The following ARK2N variants were observed in gnomAD, a reference collection of about 807,000 sequenced individuals.
The protein encoded by ARK2N is arkadia (RNF111) N-terminal like PKA signaling regulator 2N.
At chr18:46,232,899 A>T in the ARK2N span, 2 of 152,144 alleles carry the variant, frequency 1.3e-5, no homozygotes, top group African/African-American at 4.8e-5. Flanking sequence ...TGTGCATTTG[A>T]CATGTAACCT....
At chr18:46,198,248 G>T in the ARK2N span, among the ~76,000 whole-genome samples, 1 of 141,836 alleles carries the variant, frequency 7.1e-6, no homozygotes, top group East Asian at 2.1e-4. Flanking sequence ...GGTGGAGGTT[G>T]CAGTGAGCCG....
the ARK2N span, among the ~76,000 whole-genome samples, chr18:46,175,607 G>A: frequency 0.041 from 6,178 of 151,590 alleles, 355 homozygotes; most frequent in East Asian, 0.12. Flanking sequence ...GGTTCAAGCA[G>A]TTATCCTGCC....
At chr18:46,259,639 TCAGCCACCCAGGCTGGAGTG>T in the ARK2N span, among the ~76,000 whole-genome samples, 5 of 152,156 alleles carry the variant, frequency 3.3e-5, no homozygotes, top group African/African-American at 1.2e-4. Flanking sequence ...AGACCGAGGC[TCAGCCACCCAGGCTGGAGTG>T]CAGTAGCATG....
chr18:46,244,695 G>A, the ARK2N span, among the ~76,000 whole-genome samples: 19 of 145,804 alleles, frequency 1.3e-4, 1 homozygote, highest in African/African-American at 4.4e-4. Context: ...TCTGCCTCCC[G>A]GGTTCAAGTA....
chr18:46,203,577 G>A, the ARK2N span, among the ~76,000 whole-genome samples: 147 of 152,186 alleles, frequency 9.7e-4, no homozygotes, highest in African/African-American at 3.3e-3. Context: ...GCATTTCTGT[G>A]TGGTAATACT....
At chr18:46,246,823 C>T in the ARK2N span, among the ~76,000 whole-genome samples, 6 of 151,948 alleles carry the variant, frequency 3.9e-5, no homozygotes, top group Admixed American at 3.9e-4. Flanking sequence ...TGCCTGTAAT[C>T]CCACCTACTC....
chr18:46,245,537 C>T, the ARK2N span, among the ~76,000 whole-genome samples: 1 of 147,438 alleles, frequency 6.8e-6, no homozygotes, highest in Non-Finnish European at 1.5e-5. Flanking sequence ...CACCACCTCT[C>T]TCCAGCCTGG....
At chr18:46,214,480 A>C in the ARK2N span, among the ~76,000 whole-genome samples, 1 of 152,248 alleles carries the variant, frequency 6.6e-6, no homozygotes, top group Non-Finnish European at 1.5e-5. Flanking sequence ...CTGGTCTTTG[A>C]ATGATGTCCT....
the ARK2N span, chr18:46,218,061 G>A: frequency 1.3e-5 from 2 of 152,064 alleles, no homozygotes; most frequent in African/African-American, 2.4e-5. Flanking sequence ...TACTAAGCAG[G>A]ATTTTATGTA....
chr18:46,228,441 A>G, the ARK2N span, among the ~76,000 whole-genome samples: 64 of 152,340 alleles, frequency 4.2e-4, no homozygotes, highest in South Asian at 1.2e-3. Context: ...TTTTAAGAAT[A>G]ACATAGACAA....
At chr18:46,209,788 G>A in the ARK2N span, among the ~76,000 whole-genome samples, 1 of 152,106 alleles carries the variant, frequency 6.6e-6, no homozygotes, top group East Asian at 1.9e-4. Context: ...TAGAGATGGG[G>A]TTTCACTATG....
the ARK2N span, chr18:46,264,150 TAAG>T: frequency 1.3e-5 from 2 of 152,588 alleles, no homozygotes; most frequent in Middle Eastern, 3.4e-3. Context: ...AAAAATACCA[TAAG>T]AAGAATCAGA....
chr18:46,226,611 C>T, the ARK2N span, among the ~76,000 whole-genome samples: 1 of 152,146 alleles, frequency 6.6e-6, no homozygotes, highest in Admixed American at 6.5e-5. Context: ...GAAAATACCA[C>T]AGGATTGAAG....
the ARK2N span, chr18:46,216,155 A>G: frequency 1.2e-6 from 2 of 1,613,948 alleles, no homozygotes; most frequent in Non-Finnish European, 1.7e-6. The surrounding 1 kb of genome is among the most constrained non-coding windows in gnomAD (Gnocchi z 4.3). Flanking sequence ...TCCTCTAATC[A>G]CTGCATGCTT....
At chr18:46,209,980 A>G in the ARK2N span, among the ~76,000 whole-genome samples, 1 of 152,164 alleles carries the variant, frequency 6.6e-6, no homozygotes, top group Non-Finnish European at 1.5e-5. Flanking sequence ...ATCCCCTTTT[A>G]AAAGGAGAGA....
chr18:46,200,979 C>CT, the ARK2N span, among the ~76,000 whole-genome samples: 800 of 112,810 alleles, frequency 7.1e-3, 8 homozygotes, highest in African/African-American at 0.02. Context: ...TTTCTTTTTT[C>CT]TTTTTTTTTT....
chr18:46,203,814 T>A, the ARK2N span, among the ~76,000 whole-genome samples: 1 of 152,154 alleles, frequency 6.6e-6, no homozygotes, highest in African/African-American at 2.4e-5. Context: ...CTCAAACTCC[T>A]GGGCTCAAGT....
the ARK2N span, among the ~76,000 whole-genome samples, chr18:46,198,083 C>G: frequency 6.6e-6 from 1 of 152,002 alleles, no homozygotes; most frequent in Non-Finnish European, 1.5e-5. Flanking sequence ...GGCTGGATCA[C>G]TTGAGGTCGG....
chr18:46,210,885 TG>T, the ARK2N span, among the ~76,000 whole-genome samples: 20 of 148,966 alleles, frequency 1.3e-4, no homozygotes, highest in African/African-American at 4.0e-4. Context: ...CATTCCAGCC[TG>T]GGCGACAGAG....
Sources: allele counts gnomAD v4.1 joint callset (sites outside exome capture counted in the v4.1 genomes callset), GRCh38; gene constraint gnomAD v4.1.1; non-coding constraint Gnocchi (gnomAD v3.1); transcripts MANE v1.5; gene names NCBI Gene and HGNC (gene_info 2026-07-23, HGNC 2026-07-21).